TEX11: variants seen among roughly 807,000 people sequenced by gnomAD.
TEX11 encodes the protein testis-expressed protein 11.
Under a neutral mutation model 84.4 loss-of-function variants are expected in TEX11, and 7 were observed. The ratio of observed to expected loss-of-function variants is 0.08; its 90% CI spans 0.05 to 0.16. TEX11 has a LOEUF of 0.16. TEX11 is among the 10% of genes least tolerant of loss of function. TEX11 has a pLI of 1.00. For synonymous variants in TEX11, 264 were observed against 222.8 expected (o/e 1.18, Z -1.64); for missense variants, 551 against 660.5 (o/e 0.83, Z 1.82).
chrX:70,881,742 TAAA>T (rs1207618142), intron 2 of TEX11, among the ~76,000 whole-genome samples: 1 of 110,929 alleles, frequency 9.0e-6, no homozygotes, highest in Non-Finnish European at 1.9e-5. Context: ...AAATAAAAAT[TAAA>T]AATTAAAATT....
chrX:70,511,602 A>C, the TEX11 span, among the ~76,000 whole-genome samples: 1 of 105,427 alleles, frequency 9.5e-6, no homozygotes, highest in Non-Finnish European at 1.9e-5. Context: ...AAAATACAAA[A>C]ATTAGCCAGA....
At chrX:70,811,939 T>G (rs1427029895) in intron 8 of TEX11, among the ~76,000 whole-genome samples, 1 of 112,099 alleles carries the variant, frequency 8.9e-6, no homozygotes, top group African/African-American at 3.2e-5. Flanking sequence ...CTTTGTCAGA[T>G]AAGTAGATTG....
chrX:70,676,783 T>C (rs1281802187), intron 15 of TEX11, among the ~76,000 whole-genome samples: 1 of 112,123 alleles, frequency 8.9e-6, no homozygotes, highest in African/African-American at 3.2e-5. Context: ...GTTTTTTCCC[T>C]GTGTATTTCA....
intron 25 of TEX11, among the ~76,000 whole-genome samples, chrX:70,578,293 G>A (rs2088707377): frequency 8.9e-6 from 1 of 111,986 alleles, no homozygotes; most frequent in Non-Finnish European, 1.9e-5. Flanking sequence ...AGCAATGACT[G>A]GGAATGTGAT....
chrX:70,897,649 A>AAGG (rs2091777466), intron 2 of TEX11: 1 of 93,006 alleles, frequency 1.1e-5, no homozygotes, highest in African/African-American at 4.2e-5. Flanking sequence ...GGAAGGAAGG[A>AAGG]AGGAAGGAAG....
chrX:70,879,722 G>A (rs2091673033), intron 3 of TEX11, among the ~76,000 whole-genome samples: 1 of 110,415 alleles, frequency 9.1e-6, no homozygotes, highest in Non-Finnish European at 1.9e-5. Flanking sequence ...TAACAGGTGA[G>A]AAAACTGAAG....
chrX:70,830,375 A>G (rs1366158796), intron 8 of TEX11, among the ~76,000 whole-genome samples: 1 of 111,781 alleles, frequency 8.9e-6, no homozygotes, highest in Non-Finnish European at 1.9e-5. Flanking sequence ...TAAAGCAATT[A>G]TTAGAGGGAA....
intron 25 of TEX11, among the ~76,000 whole-genome samples, chrX:70,570,068 G>T (rs1603083128): frequency 8.9e-6 from 1 of 112,179 alleles, no homozygotes; most frequent in East Asian, 2.8e-4. Context: ...CCCAGTTCAA[G>T]CTTCCAGGCT....
intron 18 of TEX11, among the ~76,000 whole-genome samples, chrX:70,628,967 T>TA (rs2147559854): frequency 8.9e-6 from 1 of 112,427 alleles, no homozygotes; most frequent in South Asian, 3.7e-4. Flanking sequence ...CTTAATAGTT[T>TA]ATAAAGCACA....
intron 17 of TEX11, among the ~76,000 whole-genome samples, chrX:70,640,377 T>C (rs1455366428): frequency 6.1e-4 from 63 of 104,036 alleles, no homozygotes; most frequent in African/African-American, 1.9e-3. Context: ...TTCCCCAATC[T>C]AGCAAGGCAG....
At chrX:70,781,001 C>T (rs1415291646) in intron 9 of TEX11, among the ~76,000 whole-genome samples, 1 of 112,381 alleles carries the variant, frequency 8.9e-6, no homozygotes, top group Non-Finnish European at 1.9e-5. Flanking sequence ...CAGACTGCCT[C>T]CTCAAGTGGG....
chrX:70,716,792 C>T (rs1462760420), intron 13 of TEX11, among the ~76,000 whole-genome samples: 2 of 111,702 alleles, frequency 1.8e-5, no homozygotes, highest in African/African-American at 3.3e-5. Flanking sequence ...CTGTCCTGCA[C>T]CCACTATCCA....
intron 17 of TEX11, among the ~76,000 whole-genome samples, chrX:70,632,746 A>G (rs768337442): frequency 1.8e-5 from 2 of 111,591 alleles, no homozygotes; most frequent in Non-Finnish European, 3.8e-5. Flanking sequence ...ATCAGAAATA[A>G]GAAAGGTTAC....
At chrX:70,791,156 A>G (rs2091115917) in intron 9 of TEX11, among the ~76,000 whole-genome samples, 1 of 111,488 alleles carries the variant, frequency 9.0e-6, no homozygotes, top group South Asian at 3.8e-4. Context: ...CTACAGGCTC[A>G]AAGTAAAGTG....
At chrX:70,843,378 A>G (rs1425229257) in intron 7 of TEX11, among the ~76,000 whole-genome samples, 1 of 111,890 alleles carries the variant, frequency 8.9e-6, no homozygotes, top group Non-Finnish European at 1.9e-5. Context: ...TATTTAATAA[A>G]TGGTGCTGGG....
Position 70,678,681 on chromosome X carries a change from A to C in TEX11, c.1242+123T>G, listed in dbSNP as rs746066565. 1.5e-4 allele frequency: 79 copies of C among 528,506 alleles called. No homozygotes were observed. In the South Asian group the frequency reaches 2.4e-3, roughly 16 times the overall value. The allele number at this position is 528,506 out of a possible 1,213,427, so 43.6% of individuals were successfully genotyped here. A position where few individuals can be genotyped will look rare whatever the true frequency, so the allele number is the denominator to read the frequency against. On this transcript the variant is annotated intron_variant, in intron 15 of 29. Coordinates refer to ENST00000374333, the MANE Select transcript of TEX11 (RefSeq NM_031276.3). ...ACTCTATATTGTGAATATTTAATAAATATATGGTATCTAAACAGACAGAGA... is the reference window on the plus strand; with the variant it reads ...ACTCTATATTGTGAATATTTAATAACTATATGGTATCTAAACAGACAGAGA...
intron 28 of TEX11, among the ~76,000 whole-genome samples, chrX:70,550,385 T>C (rs916916758): frequency 1.8e-5 from 2 of 111,349 alleles, no homozygotes; most frequent in African/African-American, 6.5e-5. Flanking sequence ...AAATCAAAAA[T>C]GGACAAATGG....
chrX:70,684,389 C>G (rs2090170780), intron 13 of TEX11, among the ~76,000 whole-genome samples: 1 of 111,861 alleles, frequency 8.9e-6, no homozygotes, highest in Admixed American at 9.5e-5. Context: ...AGTTCGAGAC[C>G]AGACTGGCCA....
chrX:70,538,694 C>T (rs1008057552), intron 28 of TEX11, among the ~76,000 whole-genome samples: 1 of 110,802 alleles, frequency 9.0e-6, no homozygotes, highest in African/African-American at 3.3e-5. Flanking sequence ...AGAAATAACA[C>T]GGCTGCAATT....
Sources: allele counts gnomAD v4.1 joint callset (sites outside exome capture counted in the v4.1 genomes callset), GRCh38; gene constraint gnomAD v4.1.1; transcripts MANE v1.5; gene names NCBI Gene and HGNC (gene_info 2026-07-23, HGNC 2026-07-21).